Variants in PDE7A observed in about 807,000 individuals in gnomAD.
PDE7A encodes the protein high affinity 3',5'-cyclic-AMP phosphodiesterase 7A.
A neutral mutation model predicts 64.3 loss-of-function variants in PDE7A; 39 were observed. The ratio of observed to expected loss-of-function variants is 0.61; its 90% CI spans 0.47 to 0.79. The LOEUF is 0.79. Ranked by LOEUF, PDE7A falls within the 30% of genes least tolerant of loss-of-function variation. The probability of loss-of-function intolerance (pLI) is 0.00; values close to 1 mark genes in which losing one functional copy is unlikely to be tolerated. For missense variants in PDE7A, 470 were observed against 582.8 expected (o/e 0.81, Z 1.99); for synonymous variants, 203 against 206.8 (o/e 0.98, Z 0.16).
intron 3 of PDE7A, among the ~76,000 whole-genome samples, chr8:65,773,580 C>T (rs1809173101): frequency 6.6e-6 from 1 of 152,092 alleles, no homozygotes; most frequent in Admixed American, 6.5e-5. Flanking sequence ...ATTTTTTTGT[C>T]ATTAAGTTTC....
intron 3 of PDE7A, among the ~76,000 whole-genome samples, chr8:65,748,015 G>A (rs1006824975): frequency 1.3e-5 from 2 of 151,402 alleles, no homozygotes; most frequent in Non-Finnish European, 2.9e-5. Context: ...TTCAATGAAA[G>A]AACTAAGGAT....
intron 1 of PDE7A, among the ~76,000 whole-genome samples, chr8:65,796,391 C>T (rs548496760): frequency 6.6e-6 from 1 of 152,132 alleles, no homozygotes; most frequent in South Asian, 2.1e-4. Context: ...CAGACAATGA[C>T]ATTACAAGAA....
Position 65,727,279 on chromosome 8 carries a change from C to G in PDE7A, c.719G>C (p.Trp240Ser). 6.2e-7 allele frequency: 1 copy of G among 1,612,612 alleles called. No homozygotes were observed. ...EPKLANSVTP[W>S]DILLSLIAAA... is the part of the protein sequence containing the mutation. ...TGCAATTAAGCTCAGCAAGATATCCCAAGGAGTTACAGAATTGGCAAGCTG... is the reference window on the plus strand; with the variant it reads ...TGCAATTAAGCTCAGCAAGATATCCGAAGGAGTTACAGAATTGGCAAGCTG... Residue 240 changes from tryptophan to serine, a missense_variant, in exon 8 of 13, where the codon TGG (tryptophan) becomes TCG (serine). Transcript: ENST00000401827.
chr8:65,785,738 T>C (rs1809535943), intron 1 of PDE7A, among the ~76,000 whole-genome samples: 1 of 152,216 alleles, frequency 6.6e-6, no homozygotes. Context: ...AATTTGATGG[T>C]GTCCAGTAAC....
intron 12 of PDE7A, chr8:65,722,703 AT>A (rs1345182760): frequency 6.6e-6 from 1 of 152,156 alleles, no homozygotes; most frequent in East Asian, 1.9e-4. Flanking sequence ...CATTTTCATT[AT>A]GCTTTCTATA....
intron 3 of PDE7A, among the ~76,000 whole-genome samples, chr8:65,748,251 T>G (rs1807778310): frequency 6.6e-6 from 1 of 152,142 alleles, no homozygotes; most frequent in African/African-American, 2.4e-5. Context: ...ATTACACAAG[T>G]AAAACATTTC....
At chr8:65,757,444 T>C (rs1040426940) in intron 3 of PDE7A, among the ~76,000 whole-genome samples, 2 of 152,328 alleles carry the variant, frequency 1.3e-5, no homozygotes, top group African/African-American at 4.8e-5. Flanking sequence ...AGTGCATGAC[T>C]GTCTCCCAGG....
At chr8:65,789,020 AC>A in intron 1 of PDE7A, 1 of 1,583,488 alleles carries the variant, frequency 6.3e-7, no homozygotes. Context: ...TCTGATAAAT[AC>A]CAGCTGTCCC....
intron 2 of PDE7A, chr8:65,780,724 T>G (rs1809390552): frequency 6.6e-6 from 1 of 152,222 alleles, no homozygotes; most frequent in South Asian, 2.1e-4. Flanking sequence ...CTCCATGGGT[T>G]CCAAAGACAG....
intron 1 of PDE7A, among the ~76,000 whole-genome samples, chr8:65,786,842 G>A (rs758896817): frequency 2.6e-5 from 4 of 152,112 alleles, no homozygotes; most frequent in Non-Finnish European, 5.9e-5. Flanking sequence ...GTCAAAACAT[G>A]GGCGAGGCTG....
At chr8:65,838,373 G>T (rs1428717729) in intron 1 of PDE7A, 1 of 152,070 alleles carries the variant, frequency 6.6e-6, no homozygotes, top group Non-Finnish European at 1.5e-5. Flanking sequence ...ACAAAGAACA[G>T]GCTTCATCTA....
chr8:65,779,749 T>C lies in PDE7A; in HGVS notation c.254A>G (p.His85Arg), dbSNP rs1319635539. The change falls in exon 3 of 13, where the codon CAC becomes CGC. Residue 85 changes from histidine to arginine, a missense_variant. By Grantham distance (29) the His-to-Arg change is conservative (BLOSUM62 0). Coordinates refer to ENST00000401827, the MANE Select transcript of PDE7A (RefSeq NM_001242318.3). ...GAAAATACGAAAATCAATATATGGG[T>C]GAGAACCTCTTCTTTCTGATTCAAA... ...AGFESERRGS[H>R]PYIDFRIFHS... 6.3e-7 allele frequency: 1 copy of C among 1,594,692 alleles called. No individual in the cohort carries two copies.
At chr8:65,766,985 TAA>T (rs1482586896) in intron 3 of PDE7A, among the ~76,000 whole-genome samples, 2 of 141,380 alleles carry the variant, frequency 1.4e-5, no homozygotes, top group Non-Finnish European at 3.0e-5. Flanking sequence ...TTGTCAGAAA[TAA>T]GTCTGCTCAT....
intron 1 of PDE7A, among the ~76,000 whole-genome samples, chr8:65,792,665 T>G (rs912285681): frequency 6.6e-6 from 1 of 152,224 alleles, no homozygotes; most frequent in Non-Finnish European, 1.5e-5. Context: ...AGAAAAAATG[T>G]GAACACTATA....
chr8:65,818,258 C>T (rs1218450774), intron 1 of PDE7A, among the ~76,000 whole-genome samples: 1 of 151,896 alleles, frequency 6.6e-6, no homozygotes, highest in African/African-American at 2.4e-5. Context: ...TGTTTCTTTA[C>T]GTCTTATAAT....
At chr8:65,732,555 T>C (rs1241995300) in intron 7 of PDE7A, among the ~76,000 whole-genome samples, 1 of 152,178 alleles carries the variant, frequency 6.6e-6, no homozygotes, top group Non-Finnish European at 1.5e-5. Flanking sequence ...AGATAGGTTG[T>C]CACCCAGGCT....
chr8:65,737,071 G>A (rs1807171446), intron 6 of PDE7A, among the ~76,000 whole-genome samples: 1 of 151,838 alleles, frequency 6.6e-6, no homozygotes, highest in African/African-American at 2.4e-5. Flanking sequence ...TCATGCCACT[G>A]CATTCCAGCC....
In PDE7A at chr8:65,716,739, G is replaced by A. The variant is rs1806157877; in HGVS notation, c.*2551C>T. Among the ~76,000 whole-genome samples, 1 of 152,214 alleles carries A rather than the reference G, an allele frequency of 6.6e-6. No homozygotes were observed. The highest frequency in any genetic ancestry group is 2.4e-5 in the African/African-American group (1 of 41,448). ...CTGTGAGCTTGGTTAATGTGGGTTT[G>A]CCATGATAGTTCCACTCTCTATGTA... is the stretch of plus-strand genomic sequence containing the variant. On this transcript the variant is annotated 3_prime_UTR_variant, in exon 13 of 13. Coordinates refer to ENST00000401827, the MANE Select transcript of PDE7A (RefSeq NM_001242318.3).
At chr8:65,819,625 ATACAT>A (rs762480055) in intron 1 of PDE7A, among the ~76,000 whole-genome samples, 1 of 152,260 alleles carries the variant, frequency 6.6e-6, no homozygotes, top group African/African-American at 2.4e-5. Context: ...CACACAACTG[ATACAT>A]TACATAATCC....
Sources: gnomAD v4.1 joint callset for allele counts (sites outside exome capture counted in the v4.1 genomes callset) on GRCh38, gnomAD v4.1.1 for gene constraint, MANE v1.5 for transcripts, NCBI Gene and HGNC (gene_info 2026-07-23, HGNC 2026-07-21) for gene names.